GALNT14: variants seen among roughly 807,000 people sequenced by gnomAD.
GALNT14 encodes the protein polypeptide N-acetylgalactosaminyltransferase 14.
A neutral mutation model predicts 77.5 loss-of-function variants in GALNT14; 60 were observed. The observed-to-expected ratio is 0.77, with a 90% CI of 0.63 to 0.96. GALNT14 has a LOEUF of 0.96. Among genes scored for constraint, GALNT14 ranks in the 40% least tolerant of loss-of-function variants. The pLI, the probability that GALNT14 is intolerant of heterozygous loss-of-function variation, is 0.00. For synonymous variants in GALNT14, 280 were observed against 281.7 expected, an observed-to-expected ratio of 0.99 and a Z score of 0.06; for missense variants, 710 against 731.0, an observed-to-expected ratio of 0.97 and a Z score of 0.33.
the GALNT14 span, among the ~76,000 whole-genome samples, chr2:30,899,555 C>G: frequency 1.3e-5 from 2 of 151,440 alleles, no homozygotes; most frequent in East Asian, 3.9e-4. Context: ...ATAGAAGATG[C>G]GTCTCTCACC....
At chr2:30,954,517 C>T (rs757046705) in intron 6 of GALNT14, among the ~76,000 whole-genome samples, 1 of 152,182 alleles carries the variant, frequency 6.6e-6, no homozygotes, top group Non-Finnish European at 1.5e-5. Flanking sequence ...CGAGCCATCC[C>T]AATCTCAGAG....
At chr2:31,122,952 C>T (rs960522907) in intron 1 of GALNT14, among the ~76,000 whole-genome samples, 8 of 152,048 alleles carry the variant, frequency 5.3e-5, no homozygotes, top group African/African-American at 1.7e-4. Context: ...GAGGCCGAGG[C>T]GGGCGGATCA....
chr2:31,080,074 G>T (rs555535034), intron 1 of GALNT14, among the ~76,000 whole-genome samples: 22 of 152,352 alleles, frequency 1.4e-4, no homozygotes, highest in Admixed American at 9.8e-4. Context: ...TGAAAACAGT[G>T]CATGGGGCAA....
intron 1 of GALNT14, among the ~76,000 whole-genome samples, chr2:31,055,583 A>G (rs1674157116): frequency 6.6e-6 from 1 of 152,146 alleles, no homozygotes; most frequent in Non-Finnish European, 1.5e-5. Context: ...CACTGATCCA[A>G]CTAGGGCACT....
intron 1 of GALNT14, among the ~76,000 whole-genome samples, chr2:31,019,124 A>C (rs892798705): frequency 6.6e-6 from 1 of 152,184 alleles, no homozygotes; most frequent in Non-Finnish European, 1.5e-5. Flanking sequence ...TAAGGCAGCC[A>C]GACTTCAACT....
chr2:30,971,351 G>A (rs989893882), intron 2 of GALNT14, among the ~76,000 whole-genome samples: 12 of 152,040 alleles, frequency 7.9e-5, no homozygotes, highest in Admixed American at 3.3e-4. Flanking sequence ...GCCAGTGAGC[G>A]GGAAAGATTG....
At chr2:30,952,920 C>A (rs544197531) in intron 6 of GALNT14, among the ~76,000 whole-genome samples, 1 of 152,260 alleles carries the variant, frequency 6.6e-6, no homozygotes, top group East Asian at 1.9e-4. Context: ...ATACTGCAGT[C>A]CCTGAGTTTG....
At chr2:31,021,953 T>C (rs1207653641) in intron 1 of GALNT14, among the ~76,000 whole-genome samples, 3 of 152,226 alleles carry the variant, frequency 2.0e-5, no homozygotes, top group African/African-American at 4.8e-5. Flanking sequence ...AACCACCCTG[T>C]AGGGATGTTG....
At chr2:31,079,020 G>T (rs1455387529) in intron 1 of GALNT14, 4 of 1,287,250 alleles carry the variant, frequency 3.1e-6, no homozygotes, top group Middle Eastern at 2.1e-4. Context: ...ATTGCATTCA[G>T]AACGAAATGG....
chr2:30,893,905 T>C, the GALNT14 span, among the ~76,000 whole-genome samples: 6 of 152,232 alleles, frequency 3.9e-5, no homozygotes, highest in Non-Finnish European at 8.8e-5. Context: ...TTAGCTTTTC[T>C]TGTCTTGATT....
At chr2:30,954,087 C>T (rs2148313379) in intron 6 of GALNT14, among the ~76,000 whole-genome samples, 1 of 152,202 alleles carries the variant, frequency 6.6e-6, no homozygotes, top group South Asian at 2.1e-4. Context: ...GAAAGGCTGC[C>T]TAGAGGAGGG....
At chr2:30,947,781 A>G (rs1666789727) in intron 6 of GALNT14, among the ~76,000 whole-genome samples, 1 of 152,172 alleles carries the variant, frequency 6.6e-6, no homozygotes, top group African/African-American at 2.4e-5. Context: ...TAAACTCTAG[A>G]TTCACTGAGT....
Position 30,965,523 on chromosome 2 carries a change from G to GAA in GALNT14, c.398+680_398+681insTT, listed in dbSNP as rs1193301894. ...ATCTGGGGGAGGAAATCCTGGGTAAGCCTTCTGGGTGCAGGTCTATGTTCT... is the reference window on the plus strand; with the variant it reads ...ATCTGGGGGAGGAAATCCTGGGTAAGAACCTTCTGGGTGCAGGTCTATGTTCT... On this transcript the variant is annotated intron_variant, in intron 3 of 14. Coordinates refer to ENST00000349752, the MANE Select transcript of GALNT14 (RefSeq NM_024572.4). 3.3e-5 allele frequency among the ~76,000 whole-genome samples: 5 copies of GAA among 152,128 alleles called. No homozygotes were observed. The East Asian group carries it at 9.6e-4, about 29-fold the overall frequency.
intron 6 of GALNT14, among the ~76,000 whole-genome samples, chr2:30,954,608 G>A (rs915694015): frequency 4.6e-5 from 7 of 152,346 alleles, no homozygotes; most frequent in East Asian, 1.9e-4. Context: ...TCATTGGAAT[G>A]AACAATGTTG....
At chr2:30,968,265 A>G (rs1168914405) in intron 2 of GALNT14, among the ~76,000 whole-genome samples, 2 of 152,246 alleles carry the variant, frequency 1.3e-5, no homozygotes, top group Non-Finnish European at 2.9e-5. Context: ...AGCTGAAGAC[A>G]GCCTCTTCTA....
intron 13 of GALNT14, 39 bp downstream of exon 13, chr2:30,924,080 T>C (rs1340319398): frequency 6.2e-7 from 1 of 1,613,354 alleles, no homozygotes; most frequent in East Asian, 2.2e-5. Flanking sequence ...CTCCCTCTAC[T>C]GTGACACATG....
chr2:31,026,182 G>C (rs1473444409), intron 1 of GALNT14, among the ~76,000 whole-genome samples: 1 of 152,186 alleles, frequency 6.6e-6, no homozygotes, highest in African/African-American at 2.4e-5. Flanking sequence ...CTTCCAGTAA[G>C]GGGCGGGGCC....
At chr2:30,972,703 C>T (rs927963776) in intron 2 of GALNT14, among the ~76,000 whole-genome samples, 4 of 152,194 alleles carry the variant, frequency 2.6e-5, no homozygotes, top group African/African-American at 9.7e-5. Context: ...ATTCTGTGGC[C>T]TTGTACACTG....
At chr2:30,893,315 A>G in the GALNT14 span, among the ~76,000 whole-genome samples, 12 of 152,190 alleles carry the variant, frequency 7.9e-5, no homozygotes, top group African/African-American at 2.7e-4. Context: ...GAGATTATGG[A>G]AAGTGTTATT....
Sources: allele counts gnomAD v4.1 joint callset (sites outside exome capture counted in the v4.1 genomes callset), GRCh38; gene constraint gnomAD v4.1.1; transcripts MANE v1.5; gene names NCBI Gene and HGNC (gene_info 2026-07-23, HGNC 2026-07-21).